The following TCF7 variants were observed in gnomAD, a reference collection of about 807,000 sequenced individuals.
TCF7 encodes the protein T-cell-factor-7.
Under a neutral mutation model 46.8 loss-of-function variants are expected in TCF7, and 19 were observed. The observed-to-expected ratio is 0.41, with a 90% CI of 0.28 to 0.60. The LOEUF (loss-of-function observed/expected upper bound fraction) is 0.60, where lower values mean the gene tolerates loss of function less well. Among genes scored for constraint, TCF7 ranks in the 20% least tolerant of loss-of-function variants. The probability of loss-of-function intolerance (pLI) is 0.35; values close to 1 mark genes in which losing one functional copy is unlikely to be tolerated. For missense variants in TCF7, 547 were observed against 504.6 expected, an observed-to-expected ratio of 1.08 and a Z score of -0.81; for synonymous variants, 245 against 213.4, an observed-to-expected ratio of 1.15 and a Z score of -1.29.
upstream of TCF7, among the ~76,000 whole-genome samples, chr5:134,112,391 A>G (rs1755340218): frequency 6.6e-6 from 1 of 152,228 alleles, no homozygotes; most frequent in Admixed American, 6.5e-5. Flanking sequence ...GGTACACAGT[A>G]GATGATCCCT....
chr5:134,137,823 A>C (rs929048908), intron 3 of TCF7: 8 of 388,102 alleles, frequency 2.1e-5, no homozygotes, highest in African/African-American at 1.5e-4. Context: ...ACCTCCAGGA[A>C]TTGAGTGCCC....
At chr5:134,145,664 CTG>C (rs1205007600) in intron 9 of TCF7, 1 of 1,476,728 alleles carries the variant, frequency 6.8e-7, no homozygotes, top group Non-Finnish European at 9.4e-7. Flanking sequence ...TGGGGTGTGT[CTG>C]TGTATCCACA....
intron 9 of TCF7, chr5:134,145,430 T>C: frequency 1.8e-6 from 1 of 560,962 alleles, no homozygotes; most frequent in Non-Finnish European, 3.4e-6. Flanking sequence ...CTGGGCTGTC[T>C]GAGGGAAAGG....
Position 134,146,878 on chromosome 5 carries a change from A to C in TCF7, c.*575A>C. On this transcript the variant is annotated 3_prime_UTR_variant, in exon 10 of 10. Coordinates refer to ENST00000342854, the MANE Select transcript of TCF7 (RefSeq NM_003202.5). ...CTGAGCCTAGCTACCTTCTCTACCC[A>C]TCTCCCCCATCCCCCACTGCCACAC... 2 of 297,184 alleles carry C rather than the reference A, an allele frequency of 6.7e-6. No homozygotes were observed. Among genetic ancestry groups the C allele is most frequent in the Non-Finnish European group, 6.3e-6 (1 of 158,354 alleles). The allele number at this position is 297,184 out of a possible 1,614,324, so 18.4% of individuals were successfully genotyped here.
chr5:134,138,262 G>A, intron 4 of TCF7, 98 bp downstream of exon 4: 1 of 1,079,324 alleles, frequency 9.3e-7, no homozygotes, highest in Non-Finnish European at 1.4e-6. Context: ...TTTATAACTG[G>A]AGAACCTGGG....
At chr5:134,121,557 C>T (rs1756580961) in intron 3 of TCF7, among the ~76,000 whole-genome samples, 1 of 150,848 alleles carries the variant, frequency 6.6e-6, no homozygotes, top group Admixed American at 6.6e-5. Context: ...CCACTGCACT[C>T]CAGCCTGGGC....
At chr5:134,116,871 G>T (rs911820282) in intron 3 of TCF7, among the ~76,000 whole-genome samples, 5 of 152,240 alleles carry the variant, frequency 3.3e-5, no homozygotes, top group Admixed American at 3.3e-4. Context: ...TGGGGTGAAG[G>T]TACGTGGAAG....
intron 5 of TCF7, chr5:134,140,459 A>T (rs1759568927): frequency 4.8e-6 from 1 of 210,472 alleles, no homozygotes; most frequent in Non-Finnish European, 9.6e-6. Context: ...TGAAGCAGGC[A>T]AAGTGGTGCA....
At chr5:134,144,309 T>G (rs1481389224) in intron 9 of TCF7, 5 of 168,590 alleles carry the variant, frequency 3.0e-5, no homozygotes, top group Non-Finnish European at 6.4e-5. Flanking sequence ...GAATAGGCCC[T>G]TCCTTCCATC....
chr5:134,142,356 C>A, intron 6 of TCF7, 52 bp downstream of exon 6: 2 of 1,527,960 alleles, frequency 1.3e-6, no homozygotes, highest in Non-Finnish European at 1.8e-6. Context: ...GATACACATG[C>A]CTCCCCACCA....
rs1450725163 is a variant in TCF7, at chr5:134,147,074, A to C, written c.*771A>C. ...TGCTACTCATAAGTTGGACCAGAGG[A>C]AGCCCCTTACTATGATCTCAGGAGC... On this transcript the variant is annotated 3_prime_UTR_variant, in exon 10 of 10. Transcript: ENST00000342854. The C allele has an allele frequency of 6.3e-6, 1 of 158,040 alleles. No homozygotes were observed. The highest frequency in any genetic ancestry group is 2.4e-5 in the African/African-American group (1 of 41,616). 9.8% of individuals were successfully genotyped at this position (158,040 alleles called of 1,614,324 possible).
intron 3 of TCF7, among the ~76,000 whole-genome samples, chr5:134,120,096 G>A (rs1756365009): frequency 6.6e-6 from 1 of 152,130 alleles, no homozygotes. Flanking sequence ...GCTGTGAAGG[G>A]GGGCCCACTG....
chr5:134,131,742 C>A (rs1758157915), intron 3 of TCF7, among the ~76,000 whole-genome samples: 1 of 152,258 alleles, frequency 6.6e-6, no homozygotes, highest in South Asian at 2.1e-4. Flanking sequence ...AGGCTGGTGG[C>A]ACCCCAAGCC....
intron 3 of TCF7, among the ~76,000 whole-genome samples, chr5:134,118,085 T>C (rs1236034043): frequency 2.0e-5 from 3 of 152,206 alleles, no homozygotes; most frequent in Non-Finnish European, 4.4e-5. Flanking sequence ...CCTGAAGACG[T>C]GTGGGCATTG....
At chr5:134,117,022 G>A (rs923146916) in intron 3 of TCF7, among the ~76,000 whole-genome samples, 1 of 152,234 alleles carries the variant, frequency 6.6e-6, no homozygotes, top group Non-Finnish European at 1.5e-5. Flanking sequence ...CAGACCAGGA[G>A]TGAAGAGGGT....
chr5:134,121,109 G>C (rs1580807074), intron 3 of TCF7, among the ~76,000 whole-genome samples: 1 of 152,142 alleles, frequency 6.6e-6, no homozygotes, highest in Non-Finnish European at 1.5e-5. Context: ...CCTGACCCAG[G>C]ATTCTTAGGA....
intron 6 of TCF7, 152 bp downstream of exon 6, chr5:134,142,456 G>GGGGGGGGGGA: frequency 3.4e-6 from 1 of 296,384 alleles, no homozygotes; most frequent in Non-Finnish European, 6.5e-6. Flanking sequence ...GGGTGGGTGG[G>GGGGGGGGGGA]ATGGGGAACA....
At chr5:134,132,317 A>G (rs1295851877) in intron 3 of TCF7, among the ~76,000 whole-genome samples, 1 of 152,232 alleles carries the variant, frequency 6.6e-6, no homozygotes, top group Non-Finnish European at 1.5e-5. Flanking sequence ...ACATTAGCAC[A>G]TGCTTTTCTC....
chr5:134,114,410 G>A (rs1755506909), upstream of TCF7, among the ~76,000 whole-genome samples: 2 of 152,196 alleles, frequency 1.3e-5, no homozygotes, highest in Admixed American at 6.5e-5. Context: ...ACAGCCGGAG[G>A]AGAAACCTGG....
Sources: allele counts gnomAD v4.1 joint callset (sites outside exome capture counted in the v4.1 genomes callset), GRCh38; gene constraint gnomAD v4.1.1; transcripts MANE v1.5; gene names NCBI Gene and HGNC (gene_info 2026-07-23, HGNC 2026-07-21).